TBPL1: variants seen among roughly 807,000 people sequenced by gnomAD.
TBPL1 encodes TATA-box binding protein like 1.
A neutral mutation model predicts 22.1 loss-of-function variants in TBPL1; 4 were observed. The observed-to-expected ratio is 0.18, with a 90% CI of 0.09 to 0.41. The LOEUF is 0.41. Ranked by LOEUF, TBPL1 falls within the 10% of genes least tolerant of loss-of-function variation. The pLI, the probability that TBPL1 is intolerant of heterozygous loss-of-function variation, is 1.00. For synonymous variants in TBPL1, 64 were observed against 71.0 expected (o/e 0.90, Z 0.50); for missense variants, 115 against 222.3 (o/e 0.52, Z 3.07).
At position 133,989,567 on chromosome 6, in the gene TBPL1, T is replaced by C. The variant is rs1022619649; in HGVS notation, c.*2527T>C. On this transcript the variant is annotated 3_prime_UTR_variant, in exon 7 of 7. Transcript: ENST00000237264. ...AACAAAAAACAATGCATGCTCTGAT[T>C]TGCGTATGAAATACACCATGATAGA... 2 of 152,188 alleles carry C rather than the reference T, an allele frequency of 1.3e-5. No individual in the cohort carries two copies. Among genetic ancestry groups the C allele is most frequent in the African/African-American group, 2.4e-5 (1 of 41,456 alleles). 9.4% of individuals were successfully genotyped at this position (152,188 alleles called of 1,614,324 possible).
At chr6:133,986,457 G>T (rs1442920164) in intron 6 of TBPL1, among the ~76,000 whole-genome samples, 1 of 152,088 alleles carries the variant, frequency 6.6e-6, no homozygotes, top group African/African-American at 2.4e-5. Context: ...TGACCAGATT[G>T]GTAATAAATA....
intron 6 of TBPL1, among the ~76,000 whole-genome samples, chr6:133,986,501 T>C (rs1263598944): frequency 2.0e-5 from 3 of 152,136 alleles, no homozygotes; most frequent in Non-Finnish European, 4.4e-5. Context: ...TCTGTGGGGA[T>C]TTTTAAACCA....
chr6:133,959,199 C>G (rs1226013478), intron 1 of TBPL1, among the ~76,000 whole-genome samples: 1 of 152,074 alleles, frequency 6.6e-6, no homozygotes, highest in African/African-American at 2.4e-5. Context: ...GCCACCACGC[C>G]TAGCTAATTT....
intron 1 of TBPL1, among the ~76,000 whole-genome samples, chr6:133,967,476 T>G (rs1205911971): frequency 6.6e-6 from 1 of 152,224 alleles, no homozygotes; most frequent in Non-Finnish European, 1.5e-5. Flanking sequence ...ATGCATCGCT[T>G]AATGACAAGG....
rs141911374 is a variant in TBPL1 at position 133,967,307 on chromosome 6, A to C, written c.-44-12775A>C. 2.1e-3 allele frequency among the ~76,000 whole-genome samples: 315 copies of C among 152,326 alleles called. 1 individual carries two copies. The highest frequency in any genetic ancestry group is 7.2e-3 in the African/African-American group (299 of 41,570). The stretch of plus-strand genomic sequence containing the variant: ...TGGATCACATGTAGAAGTGGGCATA[A>C]ATCATTTTCAGCAGAATGAATTAGA... On this transcript the variant is annotated intron_variant, in intron 1 of 6. Transcript: ENST00000237264.
chr6:133,982,936 A>T (rs952954691), intron 4 of TBPL1, 56 bp downstream of exon 4: 31 of 1,481,370 alleles, frequency 2.1e-5, no homozygotes, highest in Non-Finnish European at 2.8e-5. Context: ...ATTTTTATAG[A>T]ATTAAAAATT....
chr6:133,967,999 G>A (rs987680566), intron 1 of TBPL1, among the ~76,000 whole-genome samples: 81 of 151,864 alleles, frequency 5.3e-4, no homozygotes, highest in African/African-American at 1.9e-3. Context: ...TAGGATTATG[G>A]GTGACTATTT....
intron 5 of TBPL1, 26 bp from the exon 6 acceptor site, chr6:133,984,551 T>C: frequency 6.2e-7 from 1 of 1,610,420 alleles, no homozygotes; most frequent in Non-Finnish European, 8.5e-7. Flanking sequence ...TAAATATTTA[T>C]ATTAATTGTG....
intron 1 of TBPL1, among the ~76,000 whole-genome samples, chr6:133,971,209 T>C (rs1228833197): frequency 2.0e-5 from 3 of 152,152 alleles, no homozygotes; most frequent in African/African-American, 7.2e-5. Context: ...TTTCTGTGTC[T>C]GGCTTGGTTT....
At chr6:133,965,493 C>T (rs904550412) in intron 1 of TBPL1, among the ~76,000 whole-genome samples, 2 of 152,066 alleles carry the variant, frequency 1.3e-5, no homozygotes, top group Non-Finnish European at 2.9e-5. Context: ...TCAGTCTTTT[C>T]CTGTTTCATT....
Position 133,982,601 on chromosome 6 carries a change from A to G in TBPL1, c.169A>G (p.Thr57Ala). 4 of 1,613,526 alleles carry G rather than the reference A, an allele frequency of 2.5e-6. No homozygotes were observed. Among genetic ancestry groups the G allele is most frequent in the Non-Finnish European group, 3.4e-6 (4 of 1,179,758 alleles). Residue 57 changes from threonine to alanine, a missense_variant, in exon 3 of 7, where the codon ACA (threonine) becomes GCA (alanine). Transcript: ENST00000237264. Reference sequence around the variant, plus strand: ...AATGAAGCTTAGAAAACCTAGAATTACAGCTACAATTTGGTCCTCAGGAAA... The same window carrying G: ...AATGAAGCTTAGAAAACCTAGAATTGCAGCTACAATTTGGTCCTCAGGAAA... ...VLMKLRKPRITATIWSSGKII... is the reference protein window; with the variant it reads ...VLMKLRKPRIAATIWSSGKII...
chr6:133,974,359 A>C (rs967348498), intron 1 of TBPL1, among the ~76,000 whole-genome samples: 1 of 152,158 alleles, frequency 6.6e-6, no homozygotes, highest in Non-Finnish European at 1.5e-5. Context: ...TTTGAGATGG[A>C]GTCTTGCTCT....
chr6:133,961,721 C>T (rs963148583), intron 1 of TBPL1, among the ~76,000 whole-genome samples: 5 of 152,086 alleles, frequency 3.3e-5, no homozygotes, highest in Admixed American at 6.5e-5. Context: ...GCCTTGGCCT[C>T]CCAAAGTGCT....
At chr6:133,983,652 G>A (rs1776455515) in intron 4 of TBPL1, among the ~76,000 whole-genome samples, 2 of 152,236 alleles carry the variant, frequency 1.3e-5, no homozygotes, top group East Asian at 1.9e-4. Context: ...CTGGCTTTGC[G>A]CAACTGCTGT....
chr6:133,960,907 G>A (rs1044707285), intron 1 of TBPL1, among the ~76,000 whole-genome samples: 2 of 152,198 alleles, frequency 1.3e-5, no homozygotes, highest in South Asian at 2.1e-4. Flanking sequence ...AAGGTCAGTA[G>A]GTGTGTTTTA....
At position 133,979,998 on chromosome 6, in the gene TBPL1, A is replaced by G. The variant is rs138888978; in HGVS notation, c.-44-84A>G. 2.0e-5 allele frequency: 21 copies of G among 1,052,504 alleles called. No homozygotes were observed. The East Asian group carries it at 6.4e-4, about 32-fold the overall frequency. The allele number at this position is 1,052,504 out of a possible 1,614,324, so 65.2% of individuals were successfully genotyped here. On this transcript the variant is annotated intron_variant, in intron 1 of 6. Transcript: ENST00000237264. The stretch of plus-strand genomic sequence containing the variant: ...TTTGAAAAATAAATAATATAGATTC[A>G]TTTTTTACATTTCAATTTCAAAATT...
chr6:133,963,418 TGTCTTTTG>T (rs1224928704), intron 1 of TBPL1, among the ~76,000 whole-genome samples: 2 of 152,180 alleles, frequency 1.3e-5, no homozygotes, highest in African/African-American at 2.4e-5. Context: ...TCTGTTGTTT[TGTCTTTTG>T]GTCTTTTTAT....
rs1287358429 is a variant in TBPL1 at position 133,989,564 on chromosome 6, G to C, written c.*2524G>C. Reference sequence around the variant, plus strand: ...AAAAACAAAAAACAATGCATGCTCTGATTTGCGTATGAAATACACCATGAT... The same window carrying C: ...AAAAACAAAAAACAATGCATGCTCTCATTTGCGTATGAAATACACCATGAT... On this transcript the variant is annotated 3_prime_UTR_variant, in exon 7 of 7. Transcript: ENST00000237264. The C allele has an allele frequency of 1.3e-5, 2 of 152,264 alleles. No individual in the cohort carries two copies. Among genetic ancestry groups the C allele is most frequent in the East Asian group, 3.9e-4 (2 of 5,184 alleles). The allele number at this position is 152,264 out of a possible 1,614,324, so 9.4% of individuals were successfully genotyped here.
At position 133,984,469 on chromosome 6, in the gene TBPL1, C is replaced by T. The variant is rs778514337; in HGVS notation, c.376C>T (p.Pro126Ser). The change falls in exon 5 of 7, where the codon CCT becomes TCT. Residue 126 changes from proline (P) to serine (S), a missense_variant. By Grantham distance (74) the Pro-to-Ser change is moderately conservative. Coordinates refer to ENST00000237264, the MANE Select transcript of TBPL1 (RefSeq NM_004865.4). The stretch of plus-strand genomic sequence containing the variant: ...GCCAGAATTCACAAAGAACAATAGA[C>T]CTCATGCCAGGTAAGTCTTTGAAGC... Reference protein sequence around the residue: ...RLPEFTKNNRPHASYEPELHP... With the variant: ...RLPEFTKNNRSHASYEPELHP... The T allele has an allele frequency of 6.2e-7, 1 of 1,613,462 alleles. No individual in the cohort carries two copies. Among genetic ancestry groups the T allele is most frequent in the African/African-American group, 1.3e-5 (1 of 74,868 alleles).
Sources: allele counts gnomAD v4.1 joint callset (sites outside exome capture counted in the v4.1 genomes callset), GRCh38; gene constraint gnomAD v4.1.1; transcripts MANE v1.5; gene names NCBI Gene and HGNC (gene_info 2026-07-23, HGNC 2026-07-21).